PHF21B: variants seen among roughly 807,000 people sequenced by gnomAD.
PHF21B encodes the protein PHD finger protein 4.
A neutral mutation model predicts 62.2 loss-of-function variants in PHF21B; 22 were observed. The observed-to-expected ratio is 0.35, with a 90% confidence interval of 0.25 to 0.51. PHF21B has a LOEUF of 0.51. Ranked by LOEUF, PHF21B falls within the 20% of genes least tolerant of loss-of-function variation. The probability of loss-of-function intolerance (pLI) is 0.97; values close to 1 mark genes in which losing one functional copy is unlikely to be tolerated. For synonymous variants in PHF21B, 341 were observed against 314.7 expected, an observed-to-expected ratio of 1.08 and a Z score of -0.88; for missense variants, 701 against 707.9, an observed-to-expected ratio of 0.99 and a Z score of 0.11.
At chr22:44,981,789 CA>C (rs1177627361) in intron 2 of PHF21B, among the ~76,000 whole-genome samples, 1 of 152,218 alleles carries the variant, frequency 6.6e-6, no homozygotes, top group African/African-American at 2.4e-5. Context: ...GTGTTCTGCT[CA>C]AGGACACGCT....
chr22:44,898,395 G>A (rs1003103982), intron 5 of PHF21B, among the ~76,000 whole-genome samples: 1 of 152,088 alleles, frequency 6.6e-6, no homozygotes, highest in Non-Finnish European at 1.5e-5. Context: ...AGCTGCTGGT[G>A]ACCCTGGTCA....
chr22:44,931,533 G>A (rs948574891), intron 2 of PHF21B, among the ~76,000 whole-genome samples: 7 of 150,910 alleles, frequency 4.6e-5, no homozygotes, highest in Non-Finnish European at 8.8e-5. Flanking sequence ...GGCCCTCGGC[G>A]TTGCAGAGCA....
intron 2 of PHF21B, among the ~76,000 whole-genome samples, chr22:44,925,631 G>A (rs779214432): frequency 5.9e-5 from 9 of 152,122 alleles, no homozygotes; most frequent in Non-Finnish European, 1.0e-4. Flanking sequence ...AAACAGCCTC[G>A]GCCACTGGAT....
chr22:44,896,077 C>T lies in PHF21B; in HGVS notation c.838G>A (p.Ala280Thr), dbSNP rs114160106. 6.2e-6 allele frequency: 10 copies of T among 1,614,112 alleles called. No homozygotes were observed. Among genetic ancestry groups the T allele is most frequent in the African/African-American group, 2.7e-5 (2 of 75,030 alleles). ...PPTQENPEKI[A>T]FMVALGLVTT... is the part of the protein sequence containing the mutation. The stretch of plus-strand genomic sequence containing the variant: ...ACCAGGCCTAGCGCTACCATGAAGG[C>T]GATTTTCTGAGGGAAGGAACAGACA... Residue 280 changes from alanine (A) to threonine (T), a missense_variant, in exon 6 of 13, where the codon GCC becomes ACC. Ala to Thr is a moderately conservative substitution (Grantham distance 58). Transcript: ENST00000313237.
chr22:44,889,393 G>A (rs1316898086), intron 9 of PHF21B, among the ~76,000 whole-genome samples: 1 of 152,214 alleles, frequency 6.6e-6, no homozygotes, highest in Admixed American at 6.5e-5. Flanking sequence ...GAAGACCAGG[G>A]AGGGCCAGCT....
At chr22:44,945,658 C>A in intron 2 of PHF21B, among the ~76,000 whole-genome samples, 1 of 152,000 alleles carries the variant, frequency 6.6e-6, no homozygotes, top group East Asian at 1.9e-4. Context: ...ATAGGGAACC[C>A]CAGGAACGCC....
intron 10 of PHF21B, among the ~76,000 whole-genome samples, chr22:44,887,454 T>A (rs762305010): frequency 4.6e-5 from 7 of 152,168 alleles, no homozygotes; most frequent in Non-Finnish European, 8.8e-5. Flanking sequence ...GCTGGCGGAA[T>A]ATCTCACTGA....
At chr22:44,936,296 G>A (rs969917822) in intron 2 of PHF21B, among the ~76,000 whole-genome samples, 1 of 152,238 alleles carries the variant, frequency 6.6e-6, no homozygotes, top group Non-Finnish European at 1.5e-5. Flanking sequence ...GAAGCTGCAG[G>A]TCCCGCCTGG....
chr22:44,911,669 T>C (rs554833967), intron 5 of PHF21B, among the ~76,000 whole-genome samples: 4 of 152,318 alleles, frequency 2.6e-5, no homozygotes, highest in Non-Finnish European at 4.4e-5. Context: ...TGTATGGAAA[T>C]GCTTGGATAT....
rs202032958 is a variant in PHF21B at position 44,889,741 on chromosome 22, G to A, written c.1038+19C>T. On this transcript the variant is annotated intron_variant, in intron 9 of 12. Coordinates refer to ENST00000313237, the MANE Select transcript of PHF21B (RefSeq NM_138415.5). ...TTCTCCACCCCGGAAGTGTGAAGAC[G>A]GAGGGAGGGGACACGTACCTTCCAG... The A allele has an allele frequency of 1.2e-3, 1,932 of 1,583,722 alleles. 19 individuals are homozygous for A. The South Asian group carries it at 0.013, about 11-fold the overall frequency.
chr22:44,987,910 G>A (rs889900898), intron 2 of PHF21B, among the ~76,000 whole-genome samples: 2 of 152,056 alleles, frequency 1.3e-5, no homozygotes, highest in Admixed American at 6.5e-5. Context: ...AGGAACTGAC[G>A]GATCCCAAAA....
intron 2 of PHF21B, among the ~76,000 whole-genome samples, chr22:44,977,302 C>T (rs1200001305): frequency 2.0e-5 from 3 of 151,920 alleles, no homozygotes; most frequent in Non-Finnish European, 4.4e-5. Context: ...TGGTGGCTCA[C>T]ACCTGTAATC....
chr22:44,955,726 C>G (rs2072282725), intron 2 of PHF21B, among the ~76,000 whole-genome samples: 1 of 152,196 alleles, frequency 6.6e-6, no homozygotes. Context: ...GTTCCAGAGT[C>G]TCCAGTTTCC....
chr22:44,882,803 G>A lies in PHF21B; in HGVS notation c.*283C>T, dbSNP rs1485617750. ...GGAGAGCAGGGCCTGGAAGCCAGAGGCCCAGGCAGCCCCGAGGTGGCCGGG... is the reference window on the plus strand; with the variant it reads ...GGAGAGCAGGGCCTGGAAGCCAGAGACCCAGGCAGCCCCGAGGTGGCCGGG... On this transcript the variant is annotated 3_prime_UTR_variant, in exon 13 of 13. Coordinates refer to ENST00000313237, the MANE Select transcript of PHF21B (RefSeq NM_138415.5). 2 of 380,110 alleles carry A rather than the reference G, an allele frequency of 5.3e-6. No individual in the cohort carries two copies. Among genetic ancestry groups the A allele is most frequent in the Admixed American group, 4.4e-5 (1 of 22,954 alleles). The allele number at this position is 380,110 out of a possible 1,614,324, so 23.5% of individuals were successfully genotyped here. A position where few individuals can be genotyped will look rare whatever the true frequency, so the allele number is the denominator to read the frequency against.
At chr22:44,956,764 T>C (rs1189926913) in intron 2 of PHF21B, among the ~76,000 whole-genome samples, 1 of 152,154 alleles carries the variant, frequency 6.6e-6, no homozygotes, top group African/African-American at 2.4e-5. Flanking sequence ...TTTCTGTTTC[T>C]GGAATCCACT....
chr22:44,935,720 T>G (rs2071833330), intron 2 of PHF21B, among the ~76,000 whole-genome samples: 2 of 152,204 alleles, frequency 1.3e-5, no homozygotes, highest in African/African-American at 4.8e-5. Flanking sequence ...CAACAGGGCC[T>G]TCTGCAGCTG....
chr22:44,983,975 T>C (rs1427711589), intron 2 of PHF21B, among the ~76,000 whole-genome samples: 2 of 151,630 alleles, frequency 1.3e-5, no homozygotes, highest in Non-Finnish European at 2.9e-5. Flanking sequence ...GACATGCCGA[T>C]GTCCTCAATC....
rs150203664 is a variant in PHF21B at position 44,919,033 on chromosome 22, C to T, written c.213+1365G>A. Among the ~76,000 whole-genome samples, 7 of 152,320 alleles carry T rather than the reference C, an allele frequency of 4.6e-5. No homozygotes were observed. In the East Asian group the frequency reaches 1.2e-3, roughly 25 times the overall value. On this transcript the variant is annotated intron_variant, in intron 3 of 12. Transcript: ENST00000313237. ...CCCTACCACCTCTGCCTCCGTTTCT[C>T]ACCCTGCACCCTCCTCCTGGGGGGC...
At chr22:44,974,502 GCCGACA>G (rs2072700421) in intron 2 of PHF21B, among the ~76,000 whole-genome samples, 1 of 151,830 alleles carries the variant, frequency 6.6e-6, no homozygotes, top group Non-Finnish European at 1.5e-5. Context: ...CACCCAAACA[GCCGACA>G]TACCCACATG....
Sources: allele counts gnomAD v4.1 joint callset (sites outside exome capture counted in the v4.1 genomes callset), GRCh38; gene constraint gnomAD v4.1.1; transcripts MANE v1.5; gene names NCBI Gene and HGNC (gene_info 2026-07-23, HGNC 2026-07-21).